The following PIK3C2G variants were observed in gnomAD, a reference collection of about 807,000 sequenced individuals.
PIK3C2G encodes the protein phosphatidylinositol-4-phosphate 3-kinase catalytic subunit type 2 gamma, also known as phosphatidylinositol 3-kinase C2 domain-containing subunit gamma.
PIK3C2G carries 168 observed loss-of-function variants against 181.1 expected under a neutral mutation model. The observed-to-expected ratio is 0.93, with a 90% CI of 0.82 to 1.05. The LOEUF (loss-of-function observed/expected upper bound fraction) is 1.05, where lower values mean the gene tolerates loss of function less well. PIK3C2G is among the 50% of genes least tolerant of loss of function. The pLI is 0.00. For missense variants in PIK3C2G, 1,869 were observed against 1,732.8 expected, an observed-to-expected ratio of 1.08 and a Z score of -1.40; for synonymous variants, 573 against 592.2, an observed-to-expected ratio of 0.97 and a Z score of 0.47.
chr12:18,446,088 A>G (rs1349653721), intron 18 of PIK3C2G, among the ~76,000 whole-genome samples: 1 of 152,198 alleles, frequency 6.6e-6, no homozygotes, highest in African/African-American at 2.4e-5. Context: ...CCATGTTTTG[A>G]GAGCAACAGC....
chr12:18,552,112 T>C (rs1003637875), intron 26 of PIK3C2G, among the ~76,000 whole-genome samples: 8 of 152,080 alleles, frequency 5.3e-5, no homozygotes, highest in African/African-American at 1.7e-4. Flanking sequence ...GGTACAACTT[T>C]GAAGCCGTTG....
intron 22 of PIK3C2G, among the ~76,000 whole-genome samples, chr12:18,503,041 A>G (rs986715119): frequency 2.0e-5 from 3 of 152,182 alleles, no homozygotes; most frequent in Non-Finnish European, 4.4e-5. Context: ...CCATAGCTCT[A>G]GAAAAAATAT....
intron 15 of PIK3C2G, among the ~76,000 whole-genome samples, chr12:18,398,203 C>T (rs1944008158): frequency 6.6e-6 from 1 of 151,938 alleles, no homozygotes; most frequent in Non-Finnish European, 1.5e-5. Context: ...TGAACTGAAG[C>T]TGCGGAATGT....
At chr12:18,692,032 G>A in the PIK3C2G span, among the ~76,000 whole-genome samples, 5 of 152,236 alleles carry the variant, frequency 3.3e-5, no homozygotes, top group Admixed American at 6.5e-5. Context: ...GTGGTATTAC[G>A]ATGGTGGAAA....
intron 18 of PIK3C2G, among the ~76,000 whole-genome samples, chr12:18,461,645 G>C (rs1947924470): frequency 6.6e-6 from 1 of 152,118 alleles, no homozygotes; most frequent in South Asian, 2.1e-4. Context: ...TCTAATTGTT[G>C]AGATAATTGA....
intron 11 of PIK3C2G, among the ~76,000 whole-genome samples, chr12:18,355,519 T>C (rs1940640097): frequency 6.6e-6 from 1 of 152,136 alleles, no homozygotes; most frequent in Non-Finnish European, 1.5e-5. Flanking sequence ...TCTATGGGCT[T>C]GTGGCAGGAG....
At chr12:18,648,940 A>G (rs1203653102), downstream of PIK3C2G, among the ~76,000 whole-genome samples, 3 of 152,004 alleles carry the variant, frequency 2.0e-5, no homozygotes. Flanking sequence ...TTCCCTGTGT[A>G]TGAATGAAAA....
intron 18 of PIK3C2G, among the ~76,000 whole-genome samples, chr12:18,437,159 C>T (rs1946494675): frequency 1.3e-5 from 2 of 151,898 alleles, no homozygotes; most frequent in East Asian, 3.9e-4. Flanking sequence ...TACTTTCAGG[C>T]TCCATCTTAA....
chr12:18,710,861 G>A, the PIK3C2G span, among the ~76,000 whole-genome samples: 358 of 152,190 alleles, frequency 2.4e-3, 3 homozygotes, highest in African/African-American at 7.8e-3. Flanking sequence ...TTAGAATGGC[G>A]ATCATTAAAA....
intron 31 of PIK3C2G, among the ~76,000 whole-genome samples, chr12:18,611,471 C>G (rs1353681147): frequency 1.3e-5 from 2 of 152,064 alleles, no homozygotes; most frequent in African/African-American, 4.8e-5. Flanking sequence ...AGCCTCATGG[C>G]TTTAAACATT....
At chr12:18,402,793 T>C (rs1025660538) in intron 16 of PIK3C2G, among the ~76,000 whole-genome samples, 2 of 152,196 alleles carry the variant, frequency 1.3e-5, no homozygotes, top group African/African-American at 4.8e-5. Context: ...CTTCTTTATC[T>C]AAACAGATCT....
Position 18,291,021 on chromosome 12 carries a change from C to A in PIK3C2G, c.919+9C>A, listed in dbSNP as rs7133903. 112,854 of 1,566,338 alleles carry A rather than the reference C, an allele frequency of 0.072. 4,806 individuals are homozygous for A. Among genetic ancestry groups the A allele is most frequent in the Non-Finnish European group, 0.084 (96,366 of 1,140,522 alleles). On this transcript the variant is annotated intron_variant, in intron 4 of 32. Transcript: ENST00000538779. Reference sequence around the variant, plus strand: ...TCATTTTATGCCATGTGGTAAGCAACCTTGCAAATAAGTCTACAAATCTAT... The same window carrying A: ...TCATTTTATGCCATGTGGTAAGCAAACTTGCAAATAAGTCTACAAATCTAT...
At chr12:18,418,453 G>A (rs949393751) in intron 16 of PIK3C2G, among the ~76,000 whole-genome samples, 1 of 152,132 alleles carries the variant, frequency 6.6e-6, no homozygotes, top group Admixed American at 6.5e-5. Context: ...AATCTAGAGT[G>A]TTTTGCTAGC....
At chr12:18,553,900 G>T (rs907865052) in intron 26 of PIK3C2G, among the ~76,000 whole-genome samples, 1 of 151,856 alleles carries the variant, frequency 6.6e-6, no homozygotes, top group Non-Finnish European at 1.5e-5. Context: ...AATAATATTT[G>T]CTTAATACTA....
intron 18 of PIK3C2G, among the ~76,000 whole-genome samples, chr12:18,467,504 A>T (rs958053008): frequency 6.0e-5 from 9 of 151,050 alleles, no homozygotes; most frequent in African/African-American, 2.2e-4. Flanking sequence ...TTTTTCAGAC[A>T]CTTTTCAACT....
intron 25 of PIK3C2G, among the ~76,000 whole-genome samples, chr12:18,543,830 C>A (rs1944291218): frequency 6.6e-6 from 1 of 151,716 alleles, no homozygotes; most frequent in African/African-American, 2.4e-5. Flanking sequence ...CATTCATTAT[C>A]CCAGACATTT....
chr12:18,539,578 G>GT (rs1210222588), intron 25 of PIK3C2G, among the ~76,000 whole-genome samples: 1 of 151,746 alleles, frequency 6.6e-6, no homozygotes, highest in African/African-American at 2.4e-5. Context: ...CACATTTCAA[G>GT]TACTCAGTAG....
chr12:18,360,132 AT>A (rs1489649394), intron 11 of PIK3C2G, among the ~76,000 whole-genome samples: 2 of 146,782 alleles, frequency 1.4e-5, no homozygotes, highest in Admixed American at 6.8e-5. Flanking sequence ...ATATGTTTTG[AT>A]TTTTTTTCTT....
At chr12:18,273,870 C>A (rs527885124) in intron 1 of PIK3C2G, among the ~76,000 whole-genome samples, 1 of 152,022 alleles carries the variant, frequency 6.6e-6, no homozygotes, top group Non-Finnish European at 1.5e-5. Context: ...AACAGGCAAC[C>A]TACAGAATGG....
Sources: gnomAD v4.1 joint callset for allele counts (sites outside exome capture counted in the v4.1 genomes callset) on GRCh38, gnomAD v4.1.1 for gene constraint, MANE v1.5 for transcripts, NCBI Gene and HGNC (gene_info 2026-07-23, HGNC 2026-07-21) for gene names.